Variants in PDZRN3 observed in about 807,000 individuals in gnomAD.
PDZRN3 encodes E3 ubiquitin-protein ligase PDZRN3.
PDZRN3 carries 38 observed loss-of-function variants against 85.7 expected under a neutral mutation model. The ratio of observed to expected loss-of-function variants is 0.44; its 90% CI spans 0.34 to 0.58. The LOEUF (loss-of-function observed/expected upper bound fraction) is 0.58, where lower values mean the gene tolerates loss of function less well. Ranked by LOEUF, PDZRN3 falls within the 20% of genes least tolerant of loss-of-function variation. PDZRN3 has a pLI of 0.01. For synonymous variants in PDZRN3, 759 were observed against 638.0 expected (o/e 1.19, Z -2.86); for missense variants, 1,629 against 1,506.4 (o/e 1.08, Z -1.35).
At position 73,383,686 on chromosome 3, in the gene PDZRN3, G is replaced by A. The variant is rs776527935; in HGVS notation, c.2880C>T (p.Asp960=). Residue 960 remains aspartate (D), a synonymous_variant, in exon 10 of 10, where the codon GAC becomes GAT. Coordinates refer to ENST00000263666, the MANE Select transcript of PDZRN3 (RefSeq NM_015009.3). Reference sequence around the variant, plus strand: ...TCTTCATCTCGCTCACCGCGTCGTCGTCGGTGGTCATGCCGCTGCGCTCTT... The same window carrying A: ...TCTTCATCTCGCTCACCGCGTCGTCATCGGTGGTCATGCCGCTGCGCTCTT... ...IREERSGMTT[D]DDAVSEMKMG... 4.3e-6 allele frequency: 7 copies of A among 1,611,706 alleles called. No individual in the cohort carries two copies. Among genetic ancestry groups the A allele is most frequent in the Admixed American group, 3.3e-5 (2 of 60,008 alleles).
intron 3 of PDZRN3, among the ~76,000 whole-genome samples, chr3:73,476,579 G>A (rs1367759630): frequency 1.3e-5 from 2 of 152,228 alleles, no homozygotes; most frequent in Non-Finnish European, 2.9e-5. Context: ...GTGACCAACA[G>A]AAGATGGCAG....
intron 3 of PDZRN3, among the ~76,000 whole-genome samples, chr3:73,593,709 T>TATACAC (rs1246145951): frequency 0.024 from 3,447 of 141,840 alleles, 55 homozygotes; most frequent in African/African-American, 0.041. Context: ...GAAATAAATA[T>TATACAC]ACACACACAC....
chr3:73,592,104 C>T (rs1187064434), intron 3 of PDZRN3, among the ~76,000 whole-genome samples: 1 of 152,148 alleles, frequency 6.6e-6, no homozygotes, highest in Admixed American at 6.5e-5. Context: ...CTATATAAAT[C>T]ATCCCCTATC....
intron 3 of PDZRN3, among the ~76,000 whole-genome samples, chr3:73,523,705 A>G (rs988181899): frequency 2.0e-5 from 3 of 152,204 alleles, no homozygotes; most frequent in African/African-American, 7.2e-5. Flanking sequence ...TGGCACAACT[A>G]CAGGGATGGA....
chr3:73,470,339 T>C (rs1703311446), intron 3 of PDZRN3, among the ~76,000 whole-genome samples: 1 of 152,192 alleles, frequency 6.6e-6, no homozygotes, highest in South Asian at 2.1e-4. Context: ...ATTATACCAG[T>C]GTGGTCTGAG....
intron 3 of PDZRN3, among the ~76,000 whole-genome samples, chr3:73,554,034 G>C (rs1219170399): frequency 6.6e-6 from 1 of 152,202 alleles, no homozygotes; most frequent in African/African-American, 2.4e-5. Context: ...AGAGGCCCAT[G>C]AGGCCTGGAT....
chr3:73,461,148 G>A (rs1466376788), intron 3 of PDZRN3, among the ~76,000 whole-genome samples: 8 of 152,110 alleles, frequency 5.3e-5, no homozygotes, highest in Admixed American at 4.6e-4. Context: ...ATCTCAGAAC[G>A]AATGAATCAG....
intron 1 of PDZRN3, among the ~76,000 whole-genome samples, chr3:73,620,642 T>C (rs925094535): frequency 3.3e-5 from 5 of 151,386 alleles, no homozygotes; most frequent in Non-Finnish European, 5.9e-5. Flanking sequence ...AGTGGCACTA[T>C]CTCCGCTTAC....
At chr3:73,504,859 T>C (rs996489319) in intron 3 of PDZRN3, among the ~76,000 whole-genome samples, 2 of 152,216 alleles carry the variant, frequency 1.3e-5, no homozygotes, top group African/African-American at 2.4e-5. Context: ...ATTATATTAA[T>C]TAACAACATA....
intron 3 of PDZRN3, among the ~76,000 whole-genome samples, chr3:73,497,422 C>CT (rs1164334917): frequency 5.3e-5 from 8 of 151,252 alleles, no homozygotes; most frequent in Non-Finnish European, 1.0e-4. Context: ...ATTTTTTTAA[C>CT]TTTTTTACTA....
chr3:73,530,908 A>G (rs1437217227), intron 3 of PDZRN3, among the ~76,000 whole-genome samples: 2 of 152,200 alleles, frequency 1.3e-5, no homozygotes, highest in Non-Finnish European at 1.5e-5. Flanking sequence ...AAAACCAGAT[A>G]AATGGAAAAG....
chr3:73,593,094 T>TA (rs59357529), intron 3 of PDZRN3, among the ~76,000 whole-genome samples: 253 of 146,194 alleles, frequency 1.7e-3, no homozygotes, highest in African/African-American at 4.6e-3. Flanking sequence ...AAAACTTCCT[T>TA]AAAAAAAAAA....
chr3:73,567,728 G>A (rs1000138714), intron 3 of PDZRN3, among the ~76,000 whole-genome samples: 1 of 152,054 alleles, frequency 6.6e-6, no homozygotes, highest in Non-Finnish European at 1.5e-5. Flanking sequence ...TCCTACTGTT[G>A]GAACATAGGA....
At chr3:73,458,239 G>C (rs1430095546) in intron 3 of PDZRN3, among the ~76,000 whole-genome samples, 1 of 152,096 alleles carries the variant, frequency 6.6e-6, no homozygotes, top group African/African-American at 2.4e-5. Context: ...GGAGGCAACA[G>C]AGCAGTCTTC....
intron 3 of PDZRN3, among the ~76,000 whole-genome samples, chr3:73,524,030 C>G (rs1002033747): frequency 6.6e-6 from 1 of 152,124 alleles, no homozygotes; most frequent in Non-Finnish European, 1.5e-5. Flanking sequence ...ATATTTCTTA[C>G]AAGTAGATAT....
intron 3 of PDZRN3, among the ~76,000 whole-genome samples, chr3:73,467,284 C>A (rs1182981626): frequency 6.6e-6 from 1 of 152,198 alleles, no homozygotes; most frequent in Non-Finnish European, 1.5e-5. Context: ...ATATAATTGA[C>A]AATCAACTGG....
chr3:73,601,359 C>T (rs1234785478), intron 3 of PDZRN3, among the ~76,000 whole-genome samples: 1 of 152,166 alleles, frequency 6.6e-6, no homozygotes, highest in Non-Finnish European at 1.5e-5. Context: ...GAAATACAGA[C>T]ATGATAAAAA....
intron 3 of PDZRN3, among the ~76,000 whole-genome samples, chr3:73,427,416 T>C (rs1295458620): frequency 6.6e-6 from 1 of 152,188 alleles, no homozygotes; most frequent in African/African-American, 2.4e-5. Context: ...GTTGACGGTA[T>C]TCTTTTGTGC....
At chr3:73,431,323 A>C (rs1051662406) in intron 3 of PDZRN3, among the ~76,000 whole-genome samples, 1 of 152,202 alleles carries the variant, frequency 6.6e-6, no homozygotes, top group South Asian at 2.1e-4. Context: ...AGCAGCCCCC[A>C]AAAAGAAACT....
Sources: gnomAD v4.1 joint callset for allele counts (sites outside exome capture counted in the v4.1 genomes callset) on GRCh38, gnomAD v4.1.1 for gene constraint, MANE v1.5 for transcripts, NCBI Gene and HGNC (gene_info 2026-07-23, HGNC 2026-07-21) for gene names.